Variants in USP7 observed in about 807,000 individuals in gnomAD.
USP7 encodes the protein ubiquitin specific peptidase 7.
A neutral mutation model predicts 162.9 loss-of-function variants in USP7; 9 were observed. That is an observed-to-expected ratio of 0.06 (90% CI 0.03 to 0.10). The LOEUF is 0.10. Ranked by LOEUF, USP7 falls within the 10% of genes least tolerant of loss-of-function variation. The probability of loss-of-function intolerance (pLI) is 1.00; values close to 1 mark genes in which losing one functional copy is unlikely to be tolerated. For missense variants in USP7, 715 were observed against 1,373.7 expected (o/e 0.52, Z 7.58); for synonymous variants, 562 against 475.9 (o/e 1.18, Z -2.35).
At chr16:8,956,304 C>CCA (rs1371812846) in intron 1 of USP7, 2 of 152,224 alleles carry the variant, frequency 1.3e-5, no homozygotes, top group African/African-American at 4.8e-5. Flanking sequence ...AGAATGATCA[C>CCA]CACCTTGAGA....
At chr16:8,958,792 T>C (rs1190870868) in intron 1 of USP7, among the ~76,000 whole-genome samples, 1 of 152,240 alleles carries the variant, frequency 6.6e-6, no homozygotes, top group Non-Finnish European at 1.5e-5. Flanking sequence ...CAAATCCACT[T>C]GACTTTTATC....
intron 1 of USP7, among the ~76,000 whole-genome samples, chr16:8,939,492 T>C (rs556781287): frequency 8.5e-5 from 13 of 152,364 alleles, no homozygotes; most frequent in African/African-American, 2.4e-4. Context: ...TATGAAAATA[T>C]TGGACTGGTC....
chr16:8,932,950 A>AT (rs531572825), intron 1 of USP7, among the ~76,000 whole-genome samples: 313 of 146,990 alleles, frequency 2.1e-3, no homozygotes, highest in Middle Eastern at 7.1e-3. Flanking sequence ...TTCCAATGGA[A>AT]TTTTTTTTTT....
At chr16:8,940,885 AAT>A (rs1205052256) in intron 1 of USP7, among the ~76,000 whole-genome samples, 1 of 151,468 alleles carries the variant, frequency 6.6e-6, no homozygotes, top group African/African-American at 2.5e-5. Context: ...CAGAACCTGG[AAT>A]ATATACAGTC....
intron 1 of USP7, chr16:8,956,183 C>T (rs138135688): frequency 1.3e-5 from 2 of 152,322 alleles, no homozygotes; most frequent in East Asian, 3.9e-4. Context: ...AAAAGAGGGG[C>T]CTGGATTTTT....
Position 8,895,925 on chromosome 16 carries a change from C to T in USP7, c.2820-184G>A, listed in dbSNP as rs565287883. 8.6e-5 allele frequency among the ~76,000 whole-genome samples: 13 copies of T among 151,802 alleles called. No homozygotes were observed. The East Asian group carries it at 2.3e-3, about 27-fold the overall frequency. On this transcript the variant is annotated intron_variant, in intron 26 of 30. Coordinates refer to ENST00000344836, the MANE Select transcript of USP7 (RefSeq NM_003470.3). ...GGTCTCAGCTCACTGCAACCTCCGC[C>T]TCCCGGGTTCAAGCAATTCTCCCAC... is the stretch of plus-strand genomic sequence containing the variant.
intron 1 of USP7, among the ~76,000 whole-genome samples, chr16:8,947,710 C>A (rs1884254609): frequency 6.6e-6 from 1 of 152,188 alleles, no homozygotes; most frequent in South Asian, 2.1e-4. Flanking sequence ...AACCCACCCA[C>A]CAAAAGCTCT....
chr16:8,897,822 C>T (rs1374143476), intron 25 of USP7, among the ~76,000 whole-genome samples: 1 of 145,932 alleles, frequency 6.9e-6, no homozygotes, highest in African/African-American at 2.6e-5. Context: ...TCACTTGAGC[C>T]CAGGAGGTCT....
intron 2 of USP7, among the ~76,000 whole-genome samples, chr16:8,930,085 AG>A (rs1348647615): frequency 6.6e-6 from 1 of 152,228 alleles, no homozygotes; most frequent in Non-Finnish European, 1.5e-5. Flanking sequence ...CTCCTTGCCT[AG>A]GCTAGGGAGA....
intron 6 of USP7, among the ~76,000 whole-genome samples, chr16:8,918,041 C>G (rs1224445158): frequency 6.6e-6 from 1 of 151,752 alleles, no homozygotes; most frequent in Admixed American, 6.6e-5. Context: ...CCGCCCGCCT[C>G]GGCCTCCCAA....
intron 1 of USP7, among the ~76,000 whole-genome samples, chr16:8,941,768 G>A (rs1899056455): frequency 2.0e-5 from 3 of 152,180 alleles, no homozygotes; most frequent in South Asian, 4.2e-4. Context: ...CCTCTCCCCA[G>A]GTGTGAGACC....
intron 3 of USP7, among the ~76,000 whole-genome samples, chr16:8,921,653 C>T (rs1897696518): frequency 6.6e-6 from 1 of 152,126 alleles, no homozygotes; most frequent in Non-Finnish European, 1.5e-5. Context: ...AGTGCCATGC[C>T]TCTCGAGCTC....
chr16:8,939,333 CAATGCTATATA>C (rs1023952338), intron 1 of USP7, among the ~76,000 whole-genome samples: 6 of 152,134 alleles, frequency 3.9e-5, no homozygotes, highest in Admixed American at 6.5e-5. Flanking sequence ...GTCACTTCAC[CAATGCTATATA>C]AATGGACACA....
intron 25 of USP7, among the ~76,000 whole-genome samples, chr16:8,897,726 A>AAAAAAAAAT (rs1555461671): frequency 2.8e-4 from 2 of 7,138 alleles, no homozygotes; most frequent in African/African-American, 1.1e-3. Context: ...AAAAAAAAAA[A>AAAAAAAAAT]ATATATATAT....
chr16:8,896,815 G>C (rs541881729), intron 26 of USP7, among the ~76,000 whole-genome samples, 184 bp downstream of exon 26: 4 of 152,282 alleles, frequency 2.6e-5, no homozygotes, highest in South Asian at 4.2e-4. Context: ...TGAAAAACTG[G>C]AGCAACACTG....
intron 17 of USP7, 62 bp downstream of exon 17, chr16:8,902,319 A>C: frequency 6.3e-7 from 1 of 1,579,378 alleles, no homozygotes; most frequent in Non-Finnish European, 8.7e-7. Context: ...AGCTGCACTA[A>C]GTGCAGAGGA....
At chr16:8,920,994 G>A (rs375937937) in intron 4 of USP7, among the ~76,000 whole-genome samples, 163 bp downstream of exon 4, 4 of 152,144 alleles carry the variant, frequency 2.6e-5, no homozygotes, top group East Asian at 1.9e-4. Flanking sequence ...TGCTAAAAAC[G>A]TAAGATACGA....
chr16:8,952,584 A>T (rs1283276592), intron 1 of USP7, among the ~76,000 whole-genome samples: 4 of 152,152 alleles, frequency 2.6e-5, no homozygotes, highest in African/African-American at 9.7e-5. Flanking sequence ...GGCACTGATG[A>T]CTGTGAGTAC....
chr16:8,920,941 C>T (rs1003504008), intron 4 of USP7, among the ~76,000 whole-genome samples: 1 of 152,300 alleles, frequency 6.6e-6, no homozygotes, highest in South Asian at 2.1e-4. Flanking sequence ...TGGGAACTCC[C>T]TTTGAATGTC....
Sources: allele counts gnomAD v4.1 joint callset (sites outside exome capture counted in the v4.1 genomes callset), GRCh38; gene constraint gnomAD v4.1.1; transcripts MANE v1.5; gene names NCBI Gene and HGNC (gene_info 2026-07-23, HGNC 2026-07-21).